PDE8B: variants seen among roughly 807,000 people sequenced by gnomAD.
PDE8B encodes the protein phosphodiesterase 8B, also known as high affinity cAMP-specific and IBMX-insensitive 3',5'-cyclic phosphodiesterase 8B.
PDE8B carries 26 observed loss-of-function variants against 101.3 expected under a neutral mutation model. That is an observed-to-expected ratio of 0.26 (90% CI 0.19 to 0.36). The LOEUF (loss-of-function observed/expected upper bound fraction) is 0.36. PDE8B is among the 10% of genes least tolerant of loss of function. The pLI is 1.00. For synonymous variants in PDE8B, 424 were observed against 429.3 expected, an observed-to-expected ratio of 0.99 and a Z score of 0.15; for missense variants, 810 against 1,163.1, an observed-to-expected ratio of 0.70 and a Z score of 4.42.
rs1327546520 is a variant in PDE8B at position 77,380,141 on chromosome 5, AAAAC to A, written c.1168-20103_1168-20100del. Among the ~76,000 whole-genome samples the A allele has an allele frequency of 4.6e-5, 7 of 152,362 alleles. No individual in the cohort carries two copies. In the East Asian group the frequency reaches 1.3e-3, roughly 29 times the overall value. On this transcript the variant is annotated intron_variant, in intron 10 of 21. Transcript: ENST00000264917. ...ATTCAGGGGAATGGAGGATGAGACA[AAAAC>A]AAAACAATATAATTCTGAGTTTGAA...
At chr5:77,405,649 A>C (rs767625630) in intron 12 of PDE8B, among the ~76,000 whole-genome samples, 3 of 152,110 alleles carry the variant, frequency 2.0e-5, no homozygotes, top group Non-Finnish European at 4.4e-5. Flanking sequence ...GGGGGTGGGC[A>C]GTGGAAATAG....
At chr5:77,323,041 G>C (rs1399955495) in intron 2 of PDE8B, among the ~76,000 whole-genome samples, 1 of 152,216 alleles carries the variant, frequency 6.6e-6, no homozygotes, top group Non-Finnish European at 1.5e-5. Flanking sequence ...AGACAGGTGA[G>C]AGACAAGAAA....
the PDE8B span, among the ~76,000 whole-genome samples, chr5:77,143,445 A>C: frequency 7.2e-6 from 1 of 139,414 alleles, no homozygotes; most frequent in Non-Finnish European, 1.6e-5. Context: ...ACAATGAGCT[A>C]TGTTATAATG....
At chr5:77,232,544 G>A (rs572537011) in intron 1 of PDE8B, among the ~76,000 whole-genome samples, 1 of 152,222 alleles carries the variant, frequency 6.6e-6, no homozygotes, top group Non-Finnish European at 1.5e-5. Context: ...CATTCACATA[G>A]CTGCATATAT....
chr5:77,132,609 G>T, the PDE8B span, among the ~76,000 whole-genome samples: 1 of 152,156 alleles, frequency 6.6e-6, no homozygotes, highest in Admixed American at 6.6e-5. Context: ...TCCCCACGCT[G>T]CAGAGAGCCA....
intron 2 of PDE8B, among the ~76,000 whole-genome samples, chr5:77,312,806 T>C (rs532879765): frequency 6.9e-6 from 1 of 145,826 alleles, no homozygotes; most frequent in Non-Finnish European, 1.6e-5. Flanking sequence ...TAGAAGATGA[T>C]AAAATGCTCC....
chr5:77,426,375 C>T (rs1798145830), intron 21 of PDE8B, 70 bp from the exon 22 acceptor site: 3 of 979,686 alleles, frequency 3.1e-6, no homozygotes, highest in Non-Finnish European at 4.9e-6. Context: ...GTCCCAGACA[C>T]CCCCAGGCTT....
At chr5:77,289,860 G>T (rs1156984633) in intron 1 of PDE8B, among the ~76,000 whole-genome samples, 1 of 152,190 alleles carries the variant, frequency 6.6e-6, no homozygotes, top group African/African-American at 2.4e-5. Context: ...GTGTTTTCAT[G>T]TAAGCAAGTC....
chr5:77,279,069 T>G (rs987075011), intron 1 of PDE8B, among the ~76,000 whole-genome samples: 3 of 152,206 alleles, frequency 2.0e-5, no homozygotes, highest in African/African-American at 7.2e-5. Context: ...TCATCTACAA[T>G]TACATCTTTA....
chr5:77,287,028 A>T (rs1324668762), intron 1 of PDE8B, among the ~76,000 whole-genome samples: 1 of 152,194 alleles, frequency 6.6e-6, no homozygotes, highest in Non-Finnish European at 1.5e-5. Flanking sequence ...TAAATCCCAG[A>T]AGAAATTACT....
rs1360197983 is a variant in PDE8B at position 77,325,573 on chromosome 5, G to A, written c.434G>A (p.Ser145Asn). ...LLIFAKEDSQ[S>N]DGFWWACDRA... ...ATCTTTGCAAAGGAAGATAGTCAGA[G>A]CGATGGCTTCTGGTGGGCCTGCGAC... Residue 145 changes from serine to asparagine, a missense_variant, in exon 3 of 22, where the codon AGC (serine) becomes AAC (asparagine). Ser to Asn is a conservative substitution (Grantham distance 46). Around this residue, in one of 4 missense-constraint regions of PDE8B, gnomAD observed 251 missense variants for 378.8 expected, o/e 0.66. Transcript: ENST00000264917. 2.5e-6 allele frequency: 4 copies of A among 1,614,002 alleles called. No homozygotes were observed. Among genetic ancestry groups the A allele is most frequent in the Non-Finnish European group, 2.5e-6 (3 of 1,179,982 alleles).
chr5:77,420,536 G>A (rs777534234), intron 19 of PDE8B, among the ~76,000 whole-genome samples: 3 of 152,046 alleles, frequency 2.0e-5, no homozygotes, highest in Non-Finnish European at 2.9e-5. Flanking sequence ...TTCCTGTTGA[G>A]CGGCAGAGGT....
intron 1 of PDE8B, among the ~76,000 whole-genome samples, chr5:77,237,527 A>G (rs950815817): frequency 3.3e-5 from 5 of 152,068 alleles, no homozygotes; most frequent in African/African-American, 9.7e-5. Flanking sequence ...TGTCTTTTTT[A>G]TCCAATCTTC....
intron 6 of PDE8B, among the ~76,000 whole-genome samples, chr5:77,340,694 T>C (rs1255513948): frequency 1.3e-5 from 2 of 151,360 alleles, no homozygotes; most frequent in African/African-American, 2.4e-5. Context: ...CAGGAGATAA[T>C]GTAACCCAAC....
chr5:77,376,082 G>C (rs1405897036), intron 10 of PDE8B, among the ~76,000 whole-genome samples: 1 of 151,786 alleles, frequency 6.6e-6, no homozygotes, highest in Non-Finnish European at 1.5e-5. Context: ...AGTAGAGATG[G>C]GATTTCTCCA....
intron 1 of PDE8B, among the ~76,000 whole-genome samples, chr5:77,226,251 C>T (rs887022073): frequency 4.6e-5 from 7 of 152,168 alleles, no homozygotes; most frequent in Non-Finnish European, 1.0e-4. Flanking sequence ...ATTCTATGCC[C>T]TCTGCCTTAT....
At chr5:77,425,667 G>A in intron 20 of PDE8B, 100 bp from the exon 21 acceptor site, 3 of 1,233,704 alleles carry the variant, frequency 2.4e-6, no homozygotes, top group Non-Finnish European at 3.6e-6. Flanking sequence ...GAGAAAACTG[G>A]ATAATGACCC....
rs763092606 is a variant in PDE8B at position 77,419,869 on chromosome 5, C to G, written c.2232C>G (p.Asn744Lys). 1 of 1,613,720 alleles carries G rather than the reference C, an allele frequency of 6.2e-7. No homozygotes were observed. The highest frequency in any genetic ancestry group is 8.5e-7 in the Non-Finnish European group (1 of 1,179,920). ...EHVNKFVNSI[N>K]KPMAAEIEGS... ...TGAATAAGTTTGTGAACAGCATCAACAAGCCAATGGCAGCTGAGGTGAGTA... is the reference window on the plus strand; with the variant it reads ...TGAATAAGTTTGTGAACAGCATCAAGAAGCCAATGGCAGCTGAGGTGAGTA... Residue 744 changes from asparagine (N) to lysine (K), a missense_variant, in exon 19 of 22, where the codon AAC becomes AAG. Asn to Lys is a moderately conservative substitution (Grantham distance 94, BLOSUM62 0). Around this residue, in one of 4 missense-constraint regions of PDE8B, gnomAD observed 325 missense variants for 560.9 expected, o/e 0.58. Transcript: ENST00000264917.
At chr5:77,152,654 T>A in the PDE8B span, among the ~76,000 whole-genome samples, 1 of 152,196 alleles carries the variant, frequency 6.6e-6, no homozygotes, top group Non-Finnish European at 1.5e-5. Context: ...TTTAGAGGAA[T>A]GCAAGTCTGG....
Sources: gnomAD v4.1 joint callset for allele counts (sites outside exome capture counted in the v4.1 genomes callset) on GRCh38, gnomAD v4.1.1 for gene constraint, gnomAD v4.1.1 regional missense constraint, MANE v1.5 for transcripts, NCBI Gene and HGNC (gene_info 2026-07-23, HGNC 2026-07-21) for gene names.